LHCGR: variants seen among roughly 807,000 people sequenced by gnomAD.
The protein encoded by LHCGR is lutropin-choriogonadotropic hormone receptor.
LHCGR carries 55 observed loss-of-function variants against 60.7 expected under a neutral mutation model. That is an observed-to-expected ratio of 0.91 (90% CI 0.73 to 1.13). The LOEUF (loss-of-function observed/expected upper bound fraction) is 1.13, where lower values mean the gene tolerates loss of function less well. Ranked by LOEUF, LHCGR falls within the 50% of genes most tolerant of loss-of-function variation. The probability of loss-of-function intolerance (pLI) is 0.00; values close to 1 mark genes in which losing one functional copy is unlikely to be tolerated. For missense variants in LHCGR, 862 were observed against 836.0 expected (o/e 1.03, Z -0.38); for synonymous variants, 337 against 316.5 (o/e 1.06, Z -0.69).
In LHCGR at chr2:48,754,771, A is replaced by G. The variant is rs1220804477; in HGVS notation, c.161+740T>C. Among the ~76,000 whole-genome samples the G allele has an allele frequency of 2.0e-5, 3 of 152,136 alleles. No individual in the cohort carries two copies. In the East Asian group the frequency reaches 5.8e-4, roughly 29 times the overall value. On this transcript the variant is annotated intron_variant, in intron 1 of 10. Transcript: ENST00000294954. ...TAAATAGGAGAAAGGAGACCTGATG[A>G]CACCCTGATAGTCTAGTACTAAAGG...
intron 4 of LHCGR, 45 bp downstream of exon 4, chr2:48,725,631 G>T (rs1286964877): frequency 1.6e-6 from 2 of 1,273,948 alleles, no homozygotes; most frequent in Non-Finnish European, 2.3e-6. Flanking sequence ...TTCATCAGAT[G>T]CCCATCTTCC....
chr2:48,743,880 A>G (rs927766454), intron 1 of LHCGR, among the ~76,000 whole-genome samples: 6 of 151,874 alleles, frequency 4.0e-5, no homozygotes, highest in East Asian at 1.9e-4. Flanking sequence ...AGGGTATTCA[A>G]TTAGGAAAAG....
At chr2:48,727,356 C>T (rs1160897212) in intron 3 of LHCGR, among the ~76,000 whole-genome samples, 1 of 152,160 alleles carries the variant, frequency 6.6e-6, no homozygotes, top group Admixed American at 6.5e-5. Flanking sequence ...TGGGCACCTA[C>T]ATGTGGCAAG....
At chr2:48,743,207 T>A (rs1287209339) in intron 1 of LHCGR, among the ~76,000 whole-genome samples, 4 of 152,190 alleles carry the variant, frequency 2.6e-5, no homozygotes, top group African/African-American at 9.6e-5. Flanking sequence ...ATCAATAGCT[T>A]ACCAACCAAA....
Position 48,688,592 on chromosome 2 carries a change from G to T in LHCGR, c.1205C>A (p.Ser402Tyr). Reference sequence around the variant, plus strand: ...GAGCCCCATGCAAAAGTCTGCAAAGGAGAGATTGCACATGAGAAAACGAGG... The same window carrying T: ...GAGCCCCATGCAAAAGTCTGCAAAGTAGAGATTGCACATGAGAAAACGAGG... Reference protein sequence around the residue: ...TVPRFLMCNLSFADFCMGLYL... With the variant: ...TVPRFLMCNLYFADFCMGLYL... The change falls in exon 11 of 11, where the codon TCC becomes TAC. Residue 402 changes from serine (S) to tyrosine (Y), a missense_variant. Transcript: ENST00000294954. The surrounding 1 kb of genome is among the most constrained non-coding windows in gnomAD (Gnocchi z 5.2). 6.2e-7 allele frequency: 1 copy of T among 1,614,166 alleles called. No individual in the cohort carries two copies. The highest frequency in any genetic ancestry group is 1.1e-5 in the South Asian group (1 of 91,076).
chr2:48,733,069 C>G, intron 1 of LHCGR: 1 of 453,124 alleles, frequency 2.2e-6, no homozygotes, highest in South Asian at 1.7e-5. Flanking sequence ...GCTCTCTGCA[C>G]TGCCAAACCA....
intron 1 of LHCGR, among the ~76,000 whole-genome samples, chr2:48,754,496 G>A (rs1670117669): frequency 6.6e-6 from 1 of 151,542 alleles, no homozygotes; most frequent in Non-Finnish European, 1.5e-5. Context: ...GTATTGAGAT[G>A]TAAATCCTAC....
chr2:48,728,106 C>G (rs1668826124), intron 3 of LHCGR, among the ~76,000 whole-genome samples: 2 of 149,292 alleles, frequency 1.3e-5, no homozygotes. Context: ...TTTTTTTAAA[C>G]TCATCAGCTA....
At position 48,709,163 on chromosome 2, in the gene LHCGR, G is replaced by A. The variant is rs143250804; in HGVS notation, c.606-141C>T. On this transcript the variant is annotated intron_variant, in intron 7 of 10. Coordinates refer to ENST00000294954, the MANE Select transcript of LHCGR (RefSeq NM_000233.4). The stretch of plus-strand genomic sequence containing the variant: ...GAAAAAGGGTAAGTGGAGGGAAAGT[G>A]GGAAAAAGACAAGCTAGTTCTTAAT... The A allele has an allele frequency of 2.8e-4, 199 of 720,354 alleles. 1 individual carries two copies. The highest frequency in any genetic ancestry group is 2.8e-3 in the African/African-American group (159 of 57,746). The allele number at this position is 720,354 out of a possible 1,614,324, so 44.6% of individuals were successfully genotyped here. A position where few individuals can be genotyped will look rare whatever the true frequency, so the allele number is the denominator to read the frequency against.
intron 9 of LHCGR, among the ~76,000 whole-genome samples, chr2:48,695,570 T>C (rs985557324): frequency 4.6e-5 from 7 of 152,132 alleles, no homozygotes; most frequent in African/African-American, 1.7e-4. Flanking sequence ...CCCAATGAAA[T>C]AGATCATTAC....
chr2:48,727,226 G>C (rs1000496345), intron 3 of LHCGR, among the ~76,000 whole-genome samples: 1 of 151,682 alleles, frequency 6.6e-6, no homozygotes, highest in African/African-American at 2.4e-5. Context: ...AGGAATTTGA[G>C]GTCGGTCTGG....
Position 48,705,102 on chromosome 2 carries a change from T to C in LHCGR, c.680+3846A>G, listed in dbSNP as rs949554015. ...CTGGTACATTATGTCTTTGTTCTCA[T>C]TGGTTTCAAAGAACATTTTTATTTT... On this transcript the variant is annotated intron_variant, in intron 8 of 10. Transcript: ENST00000294954. 9.2e-5 allele frequency among the ~76,000 whole-genome samples: 14 copies of C among 152,342 alleles called. 1 individual carries two copies. Among genetic ancestry groups the C allele is most frequent in the Admixed American group, 3.9e-4 (6 of 15,304 alleles).
chr2:48,711,408 A>G (rs1006509309), intron 7 of LHCGR, among the ~76,000 whole-genome samples: 1 of 152,210 alleles, frequency 6.6e-6, no homozygotes, highest in African/African-American at 2.4e-5. Flanking sequence ...GGTGCTTAGT[A>G]TATCAGTGGT....
intron 8 of LHCGR, among the ~76,000 whole-genome samples, chr2:48,708,548 CCACA>C (rs5831001): frequency 0.86 from 129,659 of 150,470 alleles, 55,951 homozygotes; most frequent in South Asian, 0.92. Flanking sequence ...AGATACCCAC[CCACA>C]CACACACACA....
chr2:48,739,701 T>C (rs1320999908), intron 1 of LHCGR, among the ~76,000 whole-genome samples: 2 of 152,092 alleles, frequency 1.3e-5, no homozygotes, highest in African/African-American at 2.4e-5. Context: ...TTAGGAGATA[T>C]ACCTAATGTT....
At position 48,688,724 on chromosome 2, in the gene LHCGR, C is replaced by T. The variant is rs1235012020; in HGVS notation, c.1073G>A (p.Gly358Asp). The change falls in exon 11 of 11, where the codon GGC becomes GAC. Residue 358 changes from glycine (G) to aspartate (D), a missense_variant. Transcript: ENST00000294954. The surrounding 1 kb of genome is among the most constrained non-coding windows in gnomAD (Gnocchi z 5.2). ...DAFNPCEDIM[G>D]YDFLRVLIWL... is the part of the protein sequence containing the mutation. ...AATCAGGACCCTAAGGAAGTCATAGCCCATAATATCTTCACAGGGATTAAA... is the reference window on the plus strand; with the variant it reads ...AATCAGGACCCTAAGGAAGTCATAGTCCATAATATCTTCACAGGGATTAAA... 6.2e-7 allele frequency: 1 copy of T among 1,613,994 alleles called. No individual in the cohort carries two copies. Among genetic ancestry groups the T allele is most frequent in the South Asian group, 1.1e-5 (1 of 91,066 alleles).
chr2:48,695,732 C>T (rs1056893186), intron 9 of LHCGR, among the ~76,000 whole-genome samples: 3 of 152,120 alleles, frequency 2.0e-5, no homozygotes, highest in Non-Finnish European at 4.4e-5. Context: ...ATGTCTTTTG[C>T]AGTAACATGG....
chr2:48,734,811 G>T lies in LHCGR; in HGVS notation c.162-3513C>A, dbSNP rs138225408. On this transcript the variant is annotated intron_variant, in intron 1 of 10. Transcript: ENST00000294954. ...CATAAAGCAAAGAAAATAAAGGAAG[G>T]ACAGAGCCCTTTCTGTCTCAGCAAA... Among the ~76,000 whole-genome samples, 622 of 152,308 alleles carry T rather than the reference G, an allele frequency of 4.1e-3. 7 individuals are homozygous for T. Among genetic ancestry groups the T allele is most frequent in the African/African-American group, 0.014 (574 of 41,564 alleles).
At position 48,688,976 on chromosome 2, in the gene LHCGR, T is replaced by C; in HGVS notation, c.948-127A>G. The C allele has an allele frequency of 1.2e-6, 1 of 837,496 alleles. No individual in the cohort carries two copies. Among genetic ancestry groups the C allele is most frequent in the Non-Finnish European group, 1.9e-6 (1 of 528,390 alleles). 51.9% of individuals were successfully genotyped at this position (837,496 alleles called of 1,614,324 possible). ...GCCATAATAGCCTCAGCCTTACATT[T>C]ATTTGTTAAATTATTTGAGAACTCT... On this transcript the variant is annotated intron_variant, in intron 10 of 10. Coordinates refer to ENST00000294954, the MANE Select transcript of LHCGR (RefSeq NM_000233.4). The surrounding 1 kb of genome is among the most constrained non-coding windows in gnomAD (Gnocchi z 5.2).
Sources: allele counts gnomAD v4.1 joint callset (sites outside exome capture counted in the v4.1 genomes callset), GRCh38; gene constraint gnomAD v4.1.1; non-coding constraint Gnocchi (gnomAD v3.1); transcripts MANE v1.5; gene names NCBI Gene and HGNC (gene_info 2026-07-23, HGNC 2026-07-21).